The following C8orf34 variants were observed in gnomAD, a reference collection of about 807,000 sequenced individuals.
C8orf34 encodes chromosome 8 open reading frame 34, also known as uncharacterized protein C8orf34.
C8orf34 carries 65 observed loss-of-function variants against 68.3 expected under a neutral mutation model. The ratio of observed to expected loss-of-function variants is 0.95; its 90% confidence interval spans 0.78 to 1.17. C8orf34 has a LOEUF of 1.17. C8orf34 is among the 50% of genes most tolerant of loss of function. C8orf34 has a pLI of 0.00. For synonymous variants in C8orf34, 244 were observed against 241.2 expected, an observed-to-expected ratio of 1.01 and a Z score of -0.11; for missense variants, 664 against 655.4, an observed-to-expected ratio of 1.01 and a Z score of -0.14.
At chr8:68,439,716 T>C in intron 2 of C8orf34, 70 bp downstream of exon 2, 4 of 1,432,046 alleles carry the variant, frequency 2.8e-6, no homozygotes, top group Non-Finnish European at 3.8e-6. Flanking sequence ...CTCTTTTTGA[T>C]ACTAATAAGA....
chr8:68,494,157 T>A (rs1205701433), intron 5 of C8orf34, among the ~76,000 whole-genome samples: 3 of 152,204 alleles, frequency 2.0e-5, no homozygotes, highest in African/African-American at 4.8e-5. Context: ...AAATGCAGTA[T>A]ATACATATAT....
intron 5 of C8orf34, among the ~76,000 whole-genome samples, chr8:68,503,770 G>A (rs1813883340): frequency 6.7e-6 from 1 of 149,748 alleles, no homozygotes; most frequent in Non-Finnish European, 1.5e-5. Context: ...GTACTTCATA[G>A]ACATGGAATA....
intron 7 of C8orf34, among the ~76,000 whole-genome samples, chr8:68,618,179 T>C (rs1412000141): frequency 6.6e-6 from 1 of 152,152 alleles, no homozygotes; most frequent in Non-Finnish European, 1.5e-5. Flanking sequence ...TCTTTTTTCT[T>C]AGTAAAATTG....
At chr8:68,521,084 G>A (rs1814734969) in intron 5 of C8orf34, among the ~76,000 whole-genome samples, 2 of 152,136 alleles carry the variant, frequency 1.3e-5, no homozygotes, top group Non-Finnish European at 2.9e-5. Context: ...GAATGAATTA[G>A]TGAACAAGAA....
At chr8:68,667,134 T>G (rs1309200375) in intron 8 of C8orf34, among the ~76,000 whole-genome samples, 1 of 152,174 alleles carries the variant, frequency 6.6e-6, no homozygotes, top group South Asian at 2.1e-4. Flanking sequence ...TAAAGGACAC[T>G]CCCTATTTAT....
upstream of C8orf34, among the ~76,000 whole-genome samples, chr8:68,330,509 T>C (rs1203681716): frequency 1.3e-5 from 2 of 152,136 alleles, no homozygotes; most frequent in African/African-American, 4.8e-5. Context: ...CTCAAAACTC[T>C]GCCCTTCTCA....
At position 68,331,001 on chromosome 8, in the gene C8orf34, A is replaced by T. The variant is rs900363850; in HGVS notation, c.-12A>T. The stretch of plus-strand genomic sequence containing the variant: ...AGCGGCGAGGGTGGGCGCGAGGCGG[A>T]GAACGCGATGAATGAGTTCTCCCCT... On this transcript the variant is annotated 5_prime_UTR_variant, in exon 1 of 14. Transcript: ENST00000518698. The T allele has an allele frequency of 4.3e-6, 6 of 1,396,766 alleles. No homozygotes were observed. Among genetic ancestry groups the T allele is most frequent in the Middle Eastern group, 5.2e-4 (2 of 3,834 alleles). 86.5% of individuals were successfully genotyped at this position (1,396,766 alleles called of 1,614,324 possible).
At chr8:68,350,574 T>C (rs1806470153) in intron 1 of C8orf34, among the ~76,000 whole-genome samples, 1 of 152,106 alleles carries the variant, frequency 6.6e-6, no homozygotes, top group South Asian at 2.1e-4. Flanking sequence ...CTATGTCTCC[T>C]TGTAGGTCTC....
At chr8:68,549,999 G>C (rs541476699) in intron 7 of C8orf34, among the ~76,000 whole-genome samples, 1 of 151,686 alleles carries the variant, frequency 6.6e-6, no homozygotes, top group Non-Finnish European at 1.5e-5. Context: ...TATTTAAAGA[G>C]AGTTTCTTGT....
intron 7 of C8orf34, among the ~76,000 whole-genome samples, chr8:68,637,744 G>A (rs1865439): frequency 0.018 from 2,768 of 152,162 alleles, 82 homozygotes; most frequent in African/African-American, 0.064. Flanking sequence ...TGTGAGAAAG[G>A]GACACTAGCA....
intron 7 of C8orf34, among the ~76,000 whole-genome samples, chr8:68,554,411 G>A (rs1476561489): frequency 6.6e-6 from 1 of 152,046 alleles, no homozygotes; most frequent in African/African-American, 2.4e-5. Context: ...GAATTAACCT[G>A]TATCTAAACA....
chr8:68,623,567 C>A (rs550099316), intron 7 of C8orf34, among the ~76,000 whole-genome samples: 1 of 152,290 alleles, frequency 6.6e-6, no homozygotes, highest in African/African-American at 2.4e-5. Context: ...GCATTTAGTC[C>A]ATTTGGCTGA....
intron 1 of C8orf34, among the ~76,000 whole-genome samples, chr8:68,332,828 G>A (rs1454780022): frequency 2.0e-5 from 3 of 152,256 alleles, no homozygotes; most frequent in East Asian, 3.9e-4. Context: ...GTTAACAAAG[G>A]CAATCCATGC....
intron 8 of C8orf34, among the ~76,000 whole-genome samples, chr8:68,687,602 A>C (rs2130896603): frequency 6.6e-6 from 1 of 152,234 alleles, no homozygotes; most frequent in African/African-American, 2.4e-5. Flanking sequence ...CACCTTATAA[A>C]AAAATCAACT....
intron 6 of C8orf34, among the ~76,000 whole-genome samples, chr8:68,529,793 A>C (rs1041750585): frequency 2.6e-5 from 4 of 152,132 alleles, no homozygotes; most frequent in African/African-American, 9.7e-5. Flanking sequence ...ATGTTTTATA[A>C]ACTGACATTT....
Position 68,454,925 on chromosome 8 carries a change from T to G in C8orf34, c.607+8465T>G, listed in dbSNP as rs140993608. Among the ~76,000 whole-genome samples the G allele has an allele frequency of 2.2e-3, 328 of 152,176 alleles. 1 individual carries two copies. Among genetic ancestry groups the G allele is most frequent in the African/African-American group, 7.1e-3 (295 of 41,570 alleles). On this transcript the variant is annotated intron_variant, in intron 3 of 13. Coordinates refer to ENST00000518698, the MANE Select transcript of C8orf34 (RefSeq NM_052958.4). ...CTGAGCACTGCTTCCACTGCATACCTTAAGGTTCGGTATGTTGTTTTCATA... is the reference window on the plus strand; with the variant it reads ...CTGAGCACTGCTTCCACTGCATACCGTAAGGTTCGGTATGTTGTTTTCATA...
intron 7 of C8orf34, among the ~76,000 whole-genome samples, chr8:68,617,691 G>A (rs1818267507): frequency 6.6e-6 from 1 of 152,252 alleles, no homozygotes; most frequent in East Asian, 1.9e-4. Context: ...TGGGTAACCC[G>A]ACCTTTCTCT....
At chr8:68,767,029 C>T (rs1823199376) in intron 10 of C8orf34, among the ~76,000 whole-genome samples, 1 of 151,974 alleles carries the variant, frequency 6.6e-6, no homozygotes, top group Admixed American at 6.6e-5. Flanking sequence ...ACTAAAAATA[C>T]CAAAAATTAG....
intron 8 of C8orf34, among the ~76,000 whole-genome samples, chr8:68,675,900 T>C (rs1462343874): frequency 6.6e-6 from 1 of 152,134 alleles, no homozygotes; most frequent in Non-Finnish European, 1.5e-5. Context: ...GAAAAAGATA[T>C]TCCATGCAAA....
Sources: allele counts gnomAD v4.1 joint callset (sites outside exome capture counted in the v4.1 genomes callset), GRCh38; gene constraint gnomAD v4.1.1; transcripts MANE v1.5; gene names NCBI Gene and HGNC (gene_info 2026-07-23, HGNC 2026-07-21).